The following CSMD1 variants were observed in gnomAD, a reference collection of about 807,000 sequenced individuals.
CSMD1 encodes CUB and Sushi multiple domains 1.
CSMD1 carries 213 observed loss-of-function variants against 417.5 expected under a neutral mutation model. The observed-to-expected ratio is 0.51, with a 90% CI of 0.46 to 0.57. The LOEUF is 0.57. CSMD1 is among the 20% of genes least tolerant of loss of function. The probability of loss-of-function intolerance (pLI) is 0.00; values close to 1 mark genes in which losing one functional copy is unlikely to be tolerated. For missense variants in CSMD1, 6,923 were observed against 4,529.7 expected (o/e 1.53, Z -15.17); for synonymous variants, 2,862 against 1,736.8 (o/e 1.65, Z -16.11).
chr8:4,342,384 T>A (rs942444363), intron 3 of CSMD1, among the ~76,000 whole-genome samples: 50 of 152,102 alleles, frequency 3.3e-4, no homozygotes, highest in African/African-American at 1.2e-3. Flanking sequence ...CATATGTTTA[T>A]TATAGTATAA....
chr8:3,925,409 G>C (rs1025533539), intron 5 of CSMD1, among the ~76,000 whole-genome samples: 3 of 152,146 alleles, frequency 2.0e-5, no homozygotes, highest in Non-Finnish European at 4.4e-5. Flanking sequence ...ATAAAAGCAT[G>C]ATGAAAGAAA....
chr8:4,882,411 T>C (rs1803468314), intron 1 of CSMD1, among the ~76,000 whole-genome samples: 1 of 151,698 alleles, frequency 6.6e-6, no homozygotes, highest in Non-Finnish European at 1.5e-5. Flanking sequence ...TTTGGCATTG[T>C]GTGGCTTTAG....
intron 12 of CSMD1, among the ~76,000 whole-genome samples, chr8:3,460,137 T>C (rs879648340): frequency 3.3e-5 from 5 of 152,012 alleles, no homozygotes; most frequent in African/African-American, 7.2e-5. Context: ...CAGGGTGGTA[T>C]AGGATTGTGT....
intron 3 of CSMD1, among the ~76,000 whole-genome samples, chr8:4,282,559 A>T (rs1796847702): frequency 6.6e-6 from 1 of 152,202 alleles, no homozygotes; most frequent in African/African-American, 2.4e-5. Flanking sequence ...TCTATGCAGC[A>T]CCATAAAATT....
At chr8:4,625,172 G>A (rs1297036937) in intron 2 of CSMD1, among the ~76,000 whole-genome samples, 3 of 151,838 alleles carry the variant, frequency 2.0e-5, no homozygotes, top group Non-Finnish European at 4.4e-5. Context: ...ATCTCGTACG[G>A]GGAGATACAG....
intron 2 of CSMD1, among the ~76,000 whole-genome samples, chr8:4,439,708 G>C (rs1407179741): frequency 1.3e-5 from 2 of 152,128 alleles, no homozygotes; most frequent in Non-Finnish European, 2.9e-5. Context: ...TTTAAATTTA[G>C]TTAGGTTTTG....
chr8:4,429,456 G>C (rs539446126), intron 2 of CSMD1, among the ~76,000 whole-genome samples: 3 of 151,976 alleles, frequency 2.0e-5, no homozygotes, highest in African/African-American at 7.2e-5. Flanking sequence ...GGCTCAGTTT[G>C]GTTCTTTGGC....
rs759501842 is a variant in CSMD1, at chr8:3,181,196, A to G, written c.5639T>C (p.Leu1880Pro). ...GAGTTGGTTGGAAGTACTGTTCAGC[A>G]GTGCCGGTACTGTGGTGCCTGTAAG... ...GSFSGTTVPA[L>P]LNSTSNQLYL... Residue 1880 changes from leucine (L) to proline (P), a missense_variant, in exon 37 of 70, where the codon CTG becomes CCG. Coordinates refer to ENST00000635120, the MANE Select transcript of CSMD1 (RefSeq NM_033225.6). 1 of 1,613,528 alleles carries G rather than the reference A, an allele frequency of 6.2e-7. No individual in the cohort carries two copies. Among genetic ancestry groups the G allele is most frequent in the Non-Finnish European group, 8.5e-7 (1 of 1,179,520 alleles).
At position 2,962,560 on chromosome 8, in the gene CSMD1, G is replaced by T; in HGVS notation, c.9534C>A (p.Phe3178Leu). ...GTATAAATGGAGATTTGCACTGGAA[G>T]AAGACTTCGGACTTATAGGTGAAAC... is the stretch of plus-strand genomic sequence containing the variant. The part of the protein sequence containing the change: ...GKSFTYKSEV[F>L]FQCKSPFILV... The change falls in exon 61 of 70, where the codon TTC (phenylalanine) becomes TTA (leucine). Residue 3178 changes from phenylalanine to leucine, a missense_variant. Physicochemically the swap from Phe to Leu is conservative, Grantham distance 22 (BLOSUM62 0). Transcript: ENST00000635120. The T allele has an allele frequency of 6.2e-7, 1 of 1,613,904 alleles. No individual in the cohort carries two copies. Among genetic ancestry groups the T allele is most frequent in the Non-Finnish European group, 8.5e-7 (1 of 1,179,840 alleles).
At chr8:3,788,951 G>C (rs1010591256) in intron 5 of CSMD1, among the ~76,000 whole-genome samples, 2 of 152,178 alleles carry the variant, frequency 1.3e-5, no homozygotes, top group East Asian at 1.9e-4. Context: ...CAGTATTGTA[G>C]AATTTAAATG....
At chr8:4,315,048 G>C (rs1286406948) in intron 3 of CSMD1, among the ~76,000 whole-genome samples, 7 of 152,138 alleles carry the variant, frequency 4.6e-5, no homozygotes, top group Admixed American at 3.9e-4. Context: ...GACTGCGTTG[G>C]CTTCCCACTG....
intron 3 of CSMD1, among the ~76,000 whole-genome samples, chr8:4,407,343 C>CA (rs987719047): frequency 6.6e-6 from 1 of 152,132 alleles, no homozygotes; most frequent in African/African-American, 2.4e-5. Context: ...TATACAATAA[C>CA]TTTTTTAAAA....
chr8:3,253,260 TTA>T (rs1178857324), intron 26 of CSMD1, among the ~76,000 whole-genome samples: 1 of 152,188 alleles, frequency 6.6e-6, no homozygotes, highest in African/African-American at 2.4e-5. Context: ...AAGAACATCT[TTA>T]TTTCTGCCTT....
At chr8:4,303,729 C>T (rs1041754164) in intron 3 of CSMD1, among the ~76,000 whole-genome samples, 2 of 151,924 alleles carry the variant, frequency 1.3e-5, no homozygotes, top group Non-Finnish European at 2.9e-5. Flanking sequence ...TATCTTGGCT[C>T]ACCCCAACCT....
chr8:4,836,457 G>A (rs1238021623), intron 1 of CSMD1, among the ~76,000 whole-genome samples: 2 of 152,190 alleles, frequency 1.3e-5, no homozygotes, highest in East Asian at 1.9e-4. Flanking sequence ...CTTAAGTGCT[G>A]TTCCATAGGA....
intron 5 of CSMD1, among the ~76,000 whole-genome samples, chr8:3,990,512 T>G (rs538272072): frequency 1.7e-3 from 265 of 152,320 alleles, no homozygotes; most frequent in African/African-American, 6.2e-3. Flanking sequence ...TTATGGAATC[T>G]TAGGGTAAAA....
intron 24 of CSMD1, 140 bp from the exon 25 acceptor site, chr8:3,307,961 C>G (rs564849616): frequency 6.4e-6 from 6 of 939,292 alleles, no homozygotes; most frequent in Admixed American, 3.0e-5. Context: ...CTCTCCTGAC[C>G]GTTTCAATAT....
chr8:4,158,454 T>C lies in CSMD1; in HGVS notation c.416-126355A>G, dbSNP rs570838912. Among the ~76,000 whole-genome samples the C allele has an allele frequency of 7.9e-5, 12 of 152,100 alleles. No homozygotes were observed. In the South Asian group the frequency reaches 2.1e-3, roughly 26 times the overall value. ...AAACAAAAAAAAATCAAAGAAACAG[T>C]AATACTAATACAGCCGCTAGTGCAG... On this transcript the variant is annotated intron_variant, in intron 3 of 69. Coordinates refer to ENST00000635120, the MANE Select transcript of CSMD1 (RefSeq NM_033225.6).
chr8:3,737,992 G>A (rs1380741955), intron 6 of CSMD1, among the ~76,000 whole-genome samples: 2 of 152,284 alleles, frequency 1.3e-5, no homozygotes, highest in South Asian at 4.1e-4. Context: ...GCAGAAGAAT[G>A]CAGTGACAAA....
Sources: gnomAD v4.1 joint callset for allele counts (sites outside exome capture counted in the v4.1 genomes callset) on GRCh38, gnomAD v4.1.1 for gene constraint, MANE v1.5 for transcripts, NCBI Gene and HGNC (gene_info 2026-07-23, HGNC 2026-07-21) for gene names.